The following PTPRK variants were observed in gnomAD, a reference collection of about 807,000 sequenced individuals.
PTPRK encodes the protein receptor-type tyrosine-protein phosphatase kappa.
PTPRK carries 75 observed loss-of-function variants against 178.0 expected under a neutral mutation model. That is an observed-to-expected ratio of 0.42 (90% CI 0.35 to 0.51). The LOEUF (loss-of-function observed/expected upper bound fraction) is 0.51, where lower values mean the gene tolerates loss of function less well. Ranked by LOEUF, PTPRK falls within the 20% of genes least tolerant of loss-of-function variation. The pLI, the probability that PTPRK is intolerant of heterozygous loss-of-function variation, is 0.02. For missense variants in PTPRK, 1,441 were observed against 1,797.8 expected (o/e 0.80, Z 3.59); for synonymous variants, 637 against 620.6 (o/e 1.03, Z -0.39).
At chr6:128,006,552 T>C (rs193215825) in intron 14 of PTPRK, among the ~76,000 whole-genome samples, 1 of 151,128 alleles carries the variant, frequency 6.6e-6, no homozygotes, top group Admixed American at 6.6e-5. Context: ...GGTACATAGG[T>C]ATATACATAT....
intron 7 of PTPRK, among the ~76,000 whole-genome samples, chr6:128,179,632 T>C (rs1004731403): frequency 2.6e-5 from 4 of 152,038 alleles, no homozygotes; most frequent in Admixed American, 6.6e-5. Context: ...TAAGTCATCC[T>C]TACATTGTGA....
intron 13 of PTPRK, among the ~76,000 whole-genome samples, chr6:128,023,395 T>TGCTA (rs1773817505): frequency 6.6e-6 from 1 of 152,198 alleles, no homozygotes; most frequent in African/African-American, 2.4e-5. Context: ...CCTCTCTGGA[T>TGCTA]GCTAGATTGG....
At chr6:128,414,830 G>GAATA (rs1287574697) in intron 1 of PTPRK, among the ~76,000 whole-genome samples, 1 of 151,950 alleles carries the variant, frequency 6.6e-6, no homozygotes, top group African/African-American at 2.4e-5. Flanking sequence ...TAATATTTAT[G>GAATA]AATATTAATT....
intron 13 of PTPRK, among the ~76,000 whole-genome samples, chr6:128,051,913 T>G (rs1779075141): frequency 6.6e-6 from 1 of 152,202 alleles, no homozygotes; most frequent in Non-Finnish European, 1.5e-5. Flanking sequence ...GTTTTCTGTC[T>G]CTGTGACTGA....
At chr6:128,178,636 G>A (rs1390087548) in intron 7 of PTPRK, among the ~76,000 whole-genome samples, 1 of 151,044 alleles carries the variant, frequency 6.6e-6, no homozygotes, top group African/African-American at 2.4e-5. Context: ...TTTGAAATGA[G>A]AAAGATGCTG....
At chr6:128,346,441 C>T (rs777613474) in intron 2 of PTPRK, among the ~76,000 whole-genome samples, 1 of 151,672 alleles carries the variant, frequency 6.6e-6, no homozygotes, top group East Asian at 1.9e-4. Context: ...TAATATATAG[C>T]CAATTTTCTA....
intron 2 of PTPRK, among the ~76,000 whole-genome samples, chr6:128,380,474 G>A (rs1837726155): frequency 6.6e-6 from 1 of 151,528 alleles, no homozygotes; most frequent in Non-Finnish European, 1.5e-5. Flanking sequence ...TATTCTGCGT[G>A]ATTATTCTGA....
intron 2 of PTPRK, among the ~76,000 whole-genome samples, chr6:128,391,863 C>G (rs2128364749): frequency 6.6e-6 from 1 of 152,080 alleles, no homozygotes; most frequent in South Asian, 2.1e-4. Flanking sequence ...CATATCATTA[C>G]TTAGGAAACT....
intron 2 of PTPRK, among the ~76,000 whole-genome samples, chr6:128,349,474 T>C (rs1057413234): frequency 6.6e-6 from 1 of 152,154 alleles, no homozygotes. Flanking sequence ...GTACCAAATA[T>C]AAATAATTGA....
intron 3 of PTPRK, among the ~76,000 whole-genome samples, chr6:128,274,051 A>C (rs1287619530): frequency 6.6e-6 from 1 of 152,148 alleles, no homozygotes; most frequent in African/African-American, 2.4e-5. Flanking sequence ...ACAGCCCTAA[A>C]GGATCAAGAC....
At chr6:127,989,450 T>C (rs1438425158) in intron 21 of PTPRK, among the ~76,000 whole-genome samples, 1 of 152,014 alleles carries the variant, frequency 6.6e-6, no homozygotes, top group Non-Finnish European at 1.5e-5. Flanking sequence ...TTTTATAAAA[T>C]ACTATGCAAT....
chr6:128,060,752 AACTG>A (rs931943674), intron 13 of PTPRK, among the ~76,000 whole-genome samples: 2 of 152,214 alleles, frequency 1.3e-5, no homozygotes, highest in African/African-American at 2.4e-5. Context: ...TTATATTTTT[AACTG>A]ACTGCTTTGT....
chr6:128,195,264 A>G (rs1238841201), intron 6 of PTPRK, among the ~76,000 whole-genome samples: 1 of 152,006 alleles, frequency 6.6e-6, no homozygotes, highest in African/African-American at 2.4e-5. Flanking sequence ...TAAACACTCC[A>G]TTGTGATGAG....
intron 3 of PTPRK, among the ~76,000 whole-genome samples, chr6:128,250,101 G>A (rs1251965737): frequency 1.3e-5 from 2 of 152,162 alleles, no homozygotes; most frequent in African/African-American, 4.8e-5. Context: ...AGGCACATAA[G>A]AAGTGCCTTT....
At chr6:128,108,388 A>G (rs1159826282) in intron 7 of PTPRK, among the ~76,000 whole-genome samples, 2 of 152,160 alleles carry the variant, frequency 1.3e-5, no homozygotes, top group Non-Finnish European at 2.9e-5. Flanking sequence ...GGTACGTACT[A>G]TGTGCCATGG....
chr6:128,337,646 A>G (rs1831123958), intron 2 of PTPRK, among the ~76,000 whole-genome samples: 1 of 152,194 alleles, frequency 6.6e-6, no homozygotes, highest in African/African-American at 2.4e-5. Context: ...AACAGATACC[A>G]TTTCAGTACT....
At chr6:127,976,441 G>T in intron 27 of PTPRK, among the ~76,000 whole-genome samples, 1 of 152,194 alleles carries the variant, frequency 6.6e-6, no homozygotes, top group Middle Eastern at 3.2e-3. Flanking sequence ...GAGAGAATAT[G>T]CTAGTCTAGT....
At chr6:127,985,995 G>T in intron 21 of PTPRK, 120 bp from the exon 22 acceptor site, 1 of 933,324 alleles carries the variant, frequency 1.1e-6, no homozygotes, top group Non-Finnish European at 1.5e-6. Flanking sequence ...CTTTACGAAA[G>T]ACTATGCCTT....
intron 13 of PTPRK, among the ~76,000 whole-genome samples, chr6:128,026,869 T>C (rs1002835198): frequency 3.9e-5 from 6 of 152,320 alleles, no homozygotes; most frequent in South Asian, 4.1e-4. Flanking sequence ...ATTCAATAAA[T>C]ATTACTAAAT....
Sources: allele counts gnomAD v4.1 joint callset (sites outside exome capture counted in the v4.1 genomes callset), GRCh38; gene constraint gnomAD v4.1.1; transcripts MANE v1.5; gene names NCBI Gene and HGNC (gene_info 2026-07-23, HGNC 2026-07-21).